NAALADL2: variants seen among roughly 807,000 people sequenced by gnomAD.
NAALADL2 encodes N-acetylated alpha-linked acidic dipeptidase like 2.
NAALADL2 carries 76 observed loss-of-function variants against 87.2 expected under a neutral mutation model. That is an observed-to-expected ratio of 0.87 (90% confidence interval 0.72 to 1.05). The LOEUF is 1.05. Ranked by LOEUF, NAALADL2 falls within the 50% of genes least tolerant of loss-of-function variation. NAALADL2 has a pLI of 0.00. For missense variants in NAALADL2, 1,089 were observed against 945.8 expected, an observed-to-expected ratio of 1.15 and a Z score of -1.99; for synonymous variants, 354 against 331.0, an observed-to-expected ratio of 1.07 and a Z score of -0.75.
intron 1 of NAALADL2, among the ~76,000 whole-genome samples, chr3:174,886,986 A>C (rs920185303): frequency 6.6e-6 from 1 of 152,180 alleles, no homozygotes; most frequent in Non-Finnish European, 1.5e-5. Context: ...ACGTGGGTAC[A>C]TTTTTCAGCT....
intron 2 of NAALADL2, among the ~76,000 whole-genome samples, chr3:174,581,770 C>T (rs1360555721): frequency 1.3e-5 from 2 of 152,050 alleles, no homozygotes; most frequent in Admixed American, 6.6e-5. Flanking sequence ...GTGAGTCGTG[C>T]GAGGACTGAT....
chr3:175,271,378 T>C (rs1228733939), intron 4 of NAALADL2, among the ~76,000 whole-genome samples: 1 of 152,208 alleles, frequency 6.6e-6, no homozygotes, highest in Non-Finnish European at 1.5e-5. Flanking sequence ...TGAGAGTTTT[T>C]AAATCTGTTA....
At chr3:175,037,856 C>A (rs1399601238) in intron 1 of NAALADL2, among the ~76,000 whole-genome samples, 5 of 152,102 alleles carry the variant, frequency 3.3e-5, no homozygotes, top group Non-Finnish European at 7.4e-5. Context: ...TGCAAGGCCC[C>A]TTAGGTGCTA....
chr3:175,674,057 C>G (rs1379454227), intron 11 of NAALADL2, among the ~76,000 whole-genome samples: 1 of 151,962 alleles, frequency 6.6e-6, no homozygotes, highest in Non-Finnish European at 1.5e-5. Flanking sequence ...TCATTATGCT[C>G]TTTTTGCTGT....
At chr3:175,206,262 A>ATATATT (rs1157257533) in intron 2 of NAALADL2, among the ~76,000 whole-genome samples, 5 of 103,142 alleles carry the variant, frequency 4.8e-5, no homozygotes, top group African/African-American at 2.4e-4. Flanking sequence ...ATATATATAT[A>ATATATT]TTTTTTTTTT....
intron 2 of NAALADL2, among the ~76,000 whole-genome samples, chr3:174,636,185 A>C (rs1722628854): frequency 6.6e-6 from 1 of 152,172 alleles, no homozygotes; most frequent in Admixed American, 6.5e-5. Context: ...ACAAAAATCA[A>C]CTCGAGATGT....
At chr3:175,056,351 C>T (rs537810074) in intron 1 of NAALADL2, among the ~76,000 whole-genome samples, 275 of 152,228 alleles carry the variant, frequency 1.8e-3, no homozygotes, top group Non-Finnish European at 3.0e-3. Context: ...ACACTTGTCC[C>T]ATTGTTACCC....
At chr3:175,442,823 A>G (rs1165808554) in intron 5 of NAALADL2, among the ~76,000 whole-genome samples, 3 of 152,244 alleles carry the variant, frequency 2.0e-5, no homozygotes, top group Non-Finnish European at 4.4e-5. Context: ...GGTACAGAGT[A>G]TGATATAAAT....
At chr3:174,551,516 G>A (rs1454695454) in intron 2 of NAALADL2, among the ~76,000 whole-genome samples, 1 of 152,190 alleles carries the variant, frequency 6.6e-6, no homozygotes, top group East Asian at 1.9e-4. Flanking sequence ...TTAGAATCAG[G>A]TGTAGCCTTA....
At chr3:175,366,932 C>T (rs1208801824) in intron 5 of NAALADL2, among the ~76,000 whole-genome samples, 1 of 151,540 alleles carries the variant, frequency 6.6e-6, no homozygotes, top group Non-Finnish European at 1.5e-5. Flanking sequence ...GAAGTCCTTG[C>T]CCATGCCTAT....
At chr3:175,771,432 C>T (rs1198985465) in intron 13 of NAALADL2, among the ~76,000 whole-genome samples, 1 of 152,128 alleles carries the variant, frequency 6.6e-6, no homozygotes, top group Non-Finnish European at 1.5e-5. Flanking sequence ...CTGTGGCTTT[C>T]ATAACAAATT....
intron 5 of NAALADL2, among the ~76,000 whole-genome samples, chr3:175,383,326 T>C (rs1490403949): frequency 6.6e-6 from 1 of 152,022 alleles, no homozygotes; most frequent in African/African-American, 2.4e-5. Context: ...TATGTAACTA[T>C]GGGGCACAAT....
intron 2 of NAALADL2, among the ~76,000 whole-genome samples, chr3:174,700,868 C>A (rs1729481977): frequency 6.6e-6 from 1 of 152,116 alleles, no homozygotes; most frequent in Non-Finnish European, 1.5e-5. Context: ...AATTGAGATG[C>A]TGACCTCAGG....
chr3:175,219,403 C>A (rs1253167668), intron 2 of NAALADL2, among the ~76,000 whole-genome samples: 1 of 152,036 alleles, frequency 6.6e-6, no homozygotes, highest in Non-Finnish European at 1.5e-5. Flanking sequence ...CATAATTTTT[C>A]TGGAGATGTT....
chr3:174,508,196 C>T (rs1343054946), intron 1 of NAALADL2, among the ~76,000 whole-genome samples: 1 of 143,024 alleles, frequency 7.0e-6, no homozygotes, highest in Admixed American at 7.3e-5. Flanking sequence ...TCACTGCAAG[C>T]TCCGCCTCCC....
Position 174,492,272 on chromosome 3 carries a change from A to G in NAALADL2, c.-184+51240A>G, listed in dbSNP as rs549030170. Among the ~76,000 whole-genome samples the G allele has an allele frequency of 2.2e-3, 287 of 132,768 alleles. 3 individuals carry two copies. The highest frequency in any genetic ancestry group is 7.3e-3 in the African/African-American group (280 of 38,344). 87.1% of individuals were successfully genotyped at this position (132,768 alleles called of 152,430 possible). On this transcript the variant is annotated intron_variant, in intron 1 of 3. Coordinates refer to the NAALADL2 transcript ENST00000434257. ...GCAACAACAGCAAGACTCCGTCTCAAAAAAAAAAAAGAAAAAAAGAAAAAC... is the reference window on the plus strand; with the variant it reads ...GCAACAACAGCAAGACTCCGTCTCAGAAAAAAAAAAGAAAAAAAGAAAAAC...
chr3:175,422,308 A>G (rs1372168702), intron 5 of NAALADL2, among the ~76,000 whole-genome samples: 1 of 152,124 alleles, frequency 6.6e-6, no homozygotes, highest in Non-Finnish European at 1.5e-5. Context: ...AGGGAAGAGA[A>G]TGAGGAGAGT....
At chr3:175,782,965 C>T (rs1451344316) in intron 13 of NAALADL2, among the ~76,000 whole-genome samples, 1 of 147,266 alleles carries the variant, frequency 6.8e-6, no homozygotes, top group Non-Finnish European at 1.5e-5. Flanking sequence ...AATAGGGAAT[C>T]CTTTCCCCAT....
chr3:174,962,055 C>T (rs1401603290), intron 1 of NAALADL2, among the ~76,000 whole-genome samples: 1 of 151,914 alleles, frequency 6.6e-6, no homozygotes, highest in South Asian at 2.1e-4. Flanking sequence ...CTCTCTACCT[C>T]TCTTCATTTC....
Sources: allele counts gnomAD v4.1 joint callset (sites outside exome capture counted in the v4.1 genomes callset), GRCh38; gene constraint gnomAD v4.1.1; transcripts MANE v1.5; gene names NCBI Gene and HGNC (gene_info 2026-07-23, HGNC 2026-07-21).